DCC: variants seen among roughly 807,000 people sequenced by gnomAD.
DCC encodes DCC netrin 1 receptor.
A neutral mutation model predicts 172.5 loss-of-function variants in DCC; 58 were observed. That is an observed-to-expected ratio of 0.34 (90% CI 0.27 to 0.42). DCC has a LOEUF of 0.42. Ranked by LOEUF, DCC falls within the 10% of genes least tolerant of loss-of-function variation. The probability of loss-of-function intolerance (pLI) is 1.00; values close to 1 mark genes in which losing one functional copy is unlikely to be tolerated. For missense variants in DCC, 1,740 were observed against 1,791.0 expected, an observed-to-expected ratio of 0.97 and a Z score of 0.51; for synonymous variants, 709 against 644.5, an observed-to-expected ratio of 1.10 and a Z score of -1.52.
chr18:53,095,729 A>G (rs936489025), intron 7 of DCC, among the ~76,000 whole-genome samples: 1 of 150,558 alleles, frequency 6.6e-6, no homozygotes, highest in Admixed American at 6.6e-5. Context: ...TAATTTATTT[A>G]TATCCGTAAT....
intron 15 of DCC, among the ~76,000 whole-genome samples, chr18:53,376,645 C>T (rs972934034): frequency 2.6e-5 from 4 of 151,952 alleles, no homozygotes; most frequent in African/African-American, 7.3e-5. Context: ...TCCTGAGCTC[C>T]AAAGAAAGAG....
chr18:52,404,667 T>A (rs1165660675), intron 1 of DCC, among the ~76,000 whole-genome samples: 1 of 151,738 alleles, frequency 6.6e-6, no homozygotes, highest in African/African-American at 2.4e-5. Flanking sequence ...TTTCTTTTTT[T>A]TTTTTAAATT....
At chr18:52,709,047 G>T (rs961894819) in intron 1 of DCC, among the ~76,000 whole-genome samples, 1 of 151,862 alleles carries the variant, frequency 6.6e-6, no homozygotes, top group African/African-American at 2.4e-5. Flanking sequence ...CTTCTTTTTC[G>T]CTACCTCCAT....
At chr18:53,307,033 C>CT (rs1472011938) in intron 13 of DCC, among the ~76,000 whole-genome samples, 1 of 152,188 alleles carries the variant, frequency 6.6e-6, no homozygotes, top group Non-Finnish European at 1.5e-5. Context: ...GAAATCATGA[C>CT]TCACACACAT....
intron 15 of DCC, among the ~76,000 whole-genome samples, chr18:53,360,226 T>C (rs2057930602): frequency 6.6e-6 from 1 of 152,074 alleles, no homozygotes; most frequent in Non-Finnish European, 1.5e-5. Context: ...CTGTATATCT[T>C]ATATATACTA....
At chr18:52,772,912 T>C (rs1347359507) in intron 2 of DCC, among the ~76,000 whole-genome samples, 1 of 152,172 alleles carries the variant, frequency 6.6e-6, no homozygotes, top group Non-Finnish European at 1.5e-5. Flanking sequence ...ATTGAAATGG[T>C]TGCAAATATT....
chr18:53,225,895 G>A (rs1052384874), intron 12 of DCC, among the ~76,000 whole-genome samples: 3 of 152,086 alleles, frequency 2.0e-5, no homozygotes, highest in Non-Finnish European at 4.4e-5. Context: ...GGGTCAGGGG[G>A]ATTAATAGTT....
chr18:53,319,975 G>A (rs1303899712), intron 13 of DCC, among the ~76,000 whole-genome samples: 1 of 151,916 alleles, frequency 6.6e-6, no homozygotes, highest in African/African-American at 2.4e-5. Flanking sequence ...CCATCACAGA[G>A]GATATTTCAA....
chr18:53,359,845 G>A (rs894829743), intron 15 of DCC, among the ~76,000 whole-genome samples: 45 of 152,052 alleles, frequency 3.0e-4, no homozygotes, highest in Non-Finnish European at 3.2e-4. Flanking sequence ...GGAGAACCCT[G>A]ACTCAGTACC....
At chr18:53,328,317 C>T (rs1449518813) in intron 14 of DCC, among the ~76,000 whole-genome samples, 2 of 152,124 alleles carry the variant, frequency 1.3e-5, no homozygotes, top group African/African-American at 4.8e-5. Flanking sequence ...GGTTTGGATC[C>T]AGCTCCATTT....
intron 2 of DCC, among the ~76,000 whole-genome samples, chr18:52,810,384 A>G (rs539856253): frequency 6.6e-6 from 1 of 152,182 alleles, no homozygotes; most frequent in Non-Finnish European, 1.5e-5. Context: ...CAGCCATGCT[A>G]TTATGCCCCA....
chr18:52,340,604 A>G lies in DCC; in HGVS notation c.-184A>G, dbSNP rs1715671047. On this transcript the variant is annotated 5_prime_UTR_variant, in exon 1 of 29. Transcript: ENST00000442544. ...CTGATTCTGTCAGTGGACAAGGAAA[A>G]AGGCTTCGAAGGCAGCAGAGGCGCA... 7.3e-6 allele frequency: 5 copies of G among 682,920 alleles called. No individual in the cohort carries two copies. Among genetic ancestry groups the G allele is most frequent in the South Asian group, 4.7e-5 (3 of 63,186 alleles). 42.3% of individuals were successfully genotyped at this position (682,920 alleles called of 1,614,324 possible). A position where few individuals can be genotyped will look rare whatever the true frequency, so the allele number is the denominator to read the frequency against.
At chr18:52,421,337 A>AT (rs1987240998) in intron 1 of DCC, among the ~76,000 whole-genome samples, 1 of 152,172 alleles carries the variant, frequency 6.6e-6, no homozygotes, top group Admixed American at 6.5e-5. Flanking sequence ...GGTGTCAGGG[A>AT]TAACGATGGC....
chr18:53,131,353 A>G (rs901689575), intron 7 of DCC, among the ~76,000 whole-genome samples: 3 of 152,200 alleles, frequency 2.0e-5, no homozygotes, highest in Non-Finnish European at 4.4e-5. Context: ...AATATTCAAA[A>G]GCCTAAGGAT....
chr18:52,938,396 A>G (rs997816831), intron 5 of DCC, among the ~76,000 whole-genome samples: 2 of 152,156 alleles, frequency 1.3e-5, no homozygotes, highest in Non-Finnish European at 2.9e-5. Context: ...AATAAGCTGT[A>G]CATCCTAGTT....
intron 2 of DCC, among the ~76,000 whole-genome samples, chr18:52,884,317 A>G (rs527439935): frequency 6.6e-6 from 1 of 151,842 alleles, no homozygotes; most frequent in South Asian, 2.1e-4. Flanking sequence ...CTTCCTCTTG[A>G]AGACCATTGA....
intron 1 of DCC, among the ~76,000 whole-genome samples, chr18:52,397,567 T>A (rs996633655): frequency 8.9e-4 from 136 of 152,162 alleles, no homozygotes; most frequent in African/African-American, 3.1e-3. Flanking sequence ...TTTTCTTTCA[T>A]GTGATAAATT....
At chr18:52,492,627 G>A (rs555687936) in intron 1 of DCC, among the ~76,000 whole-genome samples, 28 of 151,582 alleles carry the variant, frequency 1.8e-4, no homozygotes, top group Admixed American at 1.7e-3. Flanking sequence ...TGGATATGGG[G>A]CAAGTTTAAT....
chr18:53,251,714 T>C (rs2056437836), intron 12 of DCC, among the ~76,000 whole-genome samples: 1 of 151,946 alleles, frequency 6.6e-6, no homozygotes, highest in African/African-American at 2.4e-5. Context: ...CACATAGGTA[T>C]AGGAATGGCC....
Sources: allele counts gnomAD v4.1 joint callset (sites outside exome capture counted in the v4.1 genomes callset), GRCh38; gene constraint gnomAD v4.1.1; transcripts MANE v1.5; gene names NCBI Gene and HGNC (gene_info 2026-07-23, HGNC 2026-07-21).